Variants in SH3BGR observed in about 807,000 individuals in gnomAD.
SH3BGR encodes the protein SH3 domain binding glutamate rich protein.
SH3BGR carries 29 observed loss-of-function variants against 24.5 expected under a neutral mutation model. The ratio of observed to expected loss-of-function variants is 1.18; its 90% confidence interval spans 0.88 to 1.61. The LOEUF is 1.61. Among genes scored for constraint, SH3BGR ranks in the 40% most tolerant of loss-of-function variants. The pLI is 0.00. For synonymous variants in SH3BGR, 55 were observed against 65.7 expected (o/e 0.84, Z 0.79); for missense variants, 162 against 205.8 (o/e 0.79, Z 1.30).
chr21:39,499,885 G>C lies in SH3BGR; in HGVS notation c.375G>C (p.Val125=), dbSNP rs776203196. Residue 125 remains valine, a synonymous_variant, in exon 4 of 7, where the codon GTG becomes GTC. Coordinates refer to ENST00000333634, the MANE Select transcript of SH3BGR (RefSeq NM_007341.3). The part of the protein sequence containing the change: ...TEAQKEGSED[V]GNLPEAQEKN... ...CACAAAAAGAGGGCAGTGAAGATGT[G>C]GGCAACCTCCCTGAAGCCCAGGAGA... The C allele has an allele frequency of 2.5e-5, 40 of 1,613,076 alleles. No homozygotes were observed. Among genetic ancestry groups the C allele is most frequent in the Non-Finnish European group, 3.4e-5 (40 of 1,179,368 alleles).
At chr21:39,502,251 C>T (rs1220395545) in intron 4 of SH3BGR, among the ~76,000 whole-genome samples, 1 of 152,172 alleles carries the variant, frequency 6.6e-6, no homozygotes, top group East Asian at 1.9e-4. Flanking sequence ...CAGGCATAGA[C>T]AGGCTGACAG....
At chr21:39,508,233 A>G (rs1256206819) in intron 4 of SH3BGR, among the ~76,000 whole-genome samples, 1 of 152,192 alleles carries the variant, frequency 6.6e-6, no homozygotes, top group East Asian at 1.9e-4. Context: ...CAAGAACCAC[A>G]TCTCTCTCTT....
chr21:39,502,591 C>T (rs1171027194), intron 4 of SH3BGR, among the ~76,000 whole-genome samples: 2 of 152,234 alleles, frequency 1.3e-5, no homozygotes, highest in African/African-American at 2.4e-5. Flanking sequence ...TTCCCTCTAT[C>T]TGCTCCATGT....
At chr21:39,452,592 A>G (rs1032858053) in intron 1 of SH3BGR, among the ~76,000 whole-genome samples, 1 of 152,236 alleles carries the variant, frequency 6.6e-6, no homozygotes, top group Non-Finnish European at 1.5e-5. Flanking sequence ...ATGCCATGTA[A>G]TGATGTAACC....
At chr21:39,459,574 C>T (rs914423579) in intron 1 of SH3BGR, among the ~76,000 whole-genome samples, 6 of 151,528 alleles carry the variant, frequency 4.0e-5, no homozygotes, top group Non-Finnish European at 8.8e-5. Flanking sequence ...GTTCTATTGC[C>T]AAGGCAGGAG....
At chr21:39,451,784 A>T, upstream of SH3BGR, 1 of 1,120,548 alleles carries the variant, frequency 8.9e-7, no homozygotes, top group Non-Finnish European at 1.3e-6. Context: ...CTGGCCTTTT[A>T]GGGACTGTTG....
At chr21:39,499,677 G>A (rs984979929) in intron 3 of SH3BGR, 146 bp from the exon 4 acceptor site, 8 of 570,384 alleles carry the variant, frequency 1.4e-5, no homozygotes, top group African/African-American at 7.6e-5. Flanking sequence ...TGCTCTAGTC[G>A]CTAAGTGACC....
intron 3 of SH3BGR, among the ~76,000 whole-genome samples, chr21:39,478,781 G>A (rs1021737283): frequency 2.0e-5 from 3 of 151,468 alleles, no homozygotes; most frequent in Non-Finnish European, 4.4e-5. Flanking sequence ...TCCCTCTATT[G>A]GTAGTTTTTT....
upstream of SH3BGR, among the ~76,000 whole-genome samples, chr21:39,450,934 G>C (rs1336977364): frequency 6.6e-6 from 1 of 151,960 alleles, no homozygotes; most frequent in African/African-American, 2.4e-5. Context: ...AGCCTTCCAA[G>C]TCGCTGGAAA....
intron 3 of SH3BGR, among the ~76,000 whole-genome samples, chr21:39,478,234 A>G (rs1417939126): frequency 2.6e-5 from 4 of 152,226 alleles, no homozygotes; most frequent in Admixed American, 6.5e-5. Flanking sequence ...GTCCTGCTAA[A>G]CATTTCATGC....
chr21:39,509,906 C>T (rs892258577), intron 5 of SH3BGR, among the ~76,000 whole-genome samples: 5 of 151,882 alleles, frequency 3.3e-5, no homozygotes, highest in African/African-American at 1.2e-4. Context: ...AAAAGGGTCC[C>T]AAATGTCAAA....
In SH3BGR at chr21:39,477,136, A is replaced by G. The variant is rs544797107; in HGVS notation, c.312+1921A>G. ...ATTTAAAACTTTTGTCTGATACTCT[A>G]TTACACTGATGTATCATAATTGACT... is the stretch of plus-strand genomic sequence containing the variant. On this transcript the variant is annotated intron_variant, in intron 3 of 6. Transcript: ENST00000333634. 5.9e-5 allele frequency among the ~76,000 whole-genome samples: 9 copies of G among 152,152 alleles called. No homozygotes were observed. The South Asian group carries it at 1.5e-3, about 25-fold the overall frequency.
At position 39,459,828 on chromosome 21, in the gene SH3BGR, C is replaced by T. The variant is rs915948604; in HGVS notation, c.46-2547C>T. On this transcript the variant is annotated intron_variant, in intron 1 of 6. Transcript: ENST00000333634. ...AGTGATTCTTCCACTTTCAGCCTCC[C>T]AAAGTGCTGGGATTATAGGTGTGAG... 6.0e-4 allele frequency among the ~76,000 whole-genome samples: 91 copies of T among 152,092 alleles called. 1 individual carries two copies. Among genetic ancestry groups the T allele is most frequent in the African/African-American group, 2.1e-3 (88 of 41,404 alleles).
Position 39,462,572 on chromosome 21 carries a change from C to T in SH3BGR, c.231+12C>T, listed in dbSNP as rs775240110. On this transcript the variant is annotated intron_variant, in intron 2 of 6. Transcript: ENST00000333634. ...AGCAGTACTGTGGGGTGAGTATGTGCTTCTATTAAAAATCCTGCTGTGTGT... is the reference window on the plus strand; with the variant it reads ...AGCAGTACTGTGGGGTGAGTATGTGTTTCTATTAAAAATCCTGCTGTGTGT... 23 of 1,515,430 alleles carry T rather than the reference C, an allele frequency of 1.5e-5. No homozygotes were observed. The East Asian group carries it at 5.4e-4, about 36-fold the overall frequency. The allele number at this position is 1,515,430 out of a possible 1,614,324, so 93.9% of individuals were successfully genotyped here.
At position 39,451,997 on chromosome 21, in the gene SH3BGR, C is replaced by T. The variant is rs976526345; in HGVS notation, c.-100C>T. On this transcript the variant is annotated 5_prime_UTR_variant, in exon 1 of 7. Coordinates refer to ENST00000333634, the MANE Select transcript of SH3BGR (RefSeq NM_007341.3). The stretch of plus-strand genomic sequence containing the variant: ...TGGACCCCTGGGCTGCTGCCAGCCC[C>T]GACCTGGCACTTGCTTGCCTGTGTC... 7 of 1,613,994 alleles carry T rather than the reference C, an allele frequency of 4.3e-6. No homozygotes were observed. Among genetic ancestry groups the T allele is most frequent in the Middle Eastern group, 1.6e-4 (1 of 6,084 alleles).
At chr21:39,507,542 A>C (rs905622153) in intron 4 of SH3BGR, among the ~76,000 whole-genome samples, 7 of 152,244 alleles carry the variant, frequency 4.6e-5, no homozygotes, top group African/African-American at 1.7e-4. Flanking sequence ...CATGTTGGTC[A>C]GGCTGGTCTC....
At chr21:39,448,044 GGCTTGTGGCA>G (rs2077531188), upstream of SH3BGR, among the ~76,000 whole-genome samples, 1 of 152,072 alleles carries the variant, frequency 6.6e-6, no homozygotes, top group East Asian at 1.9e-4. Context: ...GCTATTCCTT[GGCTTGTGGCA>G]GCACCACTCC....
intron 2 of SH3BGR, among the ~76,000 whole-genome samples, chr21:39,468,261 C>T (rs2077876666): frequency 6.6e-6 from 1 of 152,120 alleles, no homozygotes; most frequent in South Asian, 2.1e-4. Flanking sequence ...ATGTTATGTT[C>T]CTAAAATTTA....
chr21:39,465,696 T>G (rs1037931041), intron 2 of SH3BGR, among the ~76,000 whole-genome samples: 2 of 152,160 alleles, frequency 1.3e-5, no homozygotes, highest in Non-Finnish European at 2.9e-5. Flanking sequence ...GCTCAAGCGA[T>G]CCTCCTGTGT....
Sources: gnomAD v4.1 joint callset for allele counts (sites outside exome capture counted in the v4.1 genomes callset) on GRCh38, gnomAD v4.1.1 for gene constraint, MANE v1.5 for transcripts, NCBI Gene and HGNC (gene_info 2026-07-23, HGNC 2026-07-21) for gene names.